The following B3GAT2 variants were observed in gnomAD, a reference collection of about 807,000 sequenced individuals.
B3GAT2 encodes galactosylgalactosylxylosylprotein 3-beta-glucuronosyltransferase 2.
In B3GAT2, 26 loss-of-function variants were observed where a neutral mutation model predicts 27.8. The observed-to-expected ratio is 0.93, with a 90% confidence interval of 0.68 to 1.30. B3GAT2 has a LOEUF of 1.30. Among genes scored for constraint, B3GAT2 ranks in the 50% most tolerant of loss-of-function variants. B3GAT2 has a pLI of 0.00. For synonymous variants in B3GAT2, 218 were observed against 195.1 expected (o/e 1.12, Z -0.98); for missense variants, 458 against 459.0 (o/e 1.00, Z 0.02).
chr6:70,924,324 T>C (rs1582383627), intron 1 of B3GAT2, among the ~76,000 whole-genome samples: 2 of 152,258 alleles, frequency 1.3e-5, no homozygotes, highest in East Asian at 3.9e-4. Flanking sequence ...TATTGCTAAA[T>C]GTCAAAACTA....
rs72918889 is a variant in B3GAT2, at chr6:70,905,774, C to T, written c.592-11502G>A. Reference sequence around the variant, plus strand: ...TTCATGTAATAGGCAAACTCAGATACAAAGGAGCTACTCTACATCTCAAAA... The same window carrying T: ...TTCATGTAATAGGCAAACTCAGATATAAAGGAGCTACTCTACATCTCAAAA... On this transcript the variant is annotated intron_variant, in intron 1 of 3. Coordinates refer to ENST00000230053, the MANE Select transcript of B3GAT2 (RefSeq NM_080742.3). Among the ~76,000 whole-genome samples, 213 of 152,198 alleles carry T rather than the reference C, an allele frequency of 1.4e-3. 1 individual carries two copies. Among genetic ancestry groups the T allele is most frequent in the Non-Finnish European group, 2.3e-3 (157 of 68,012 alleles).
chr6:70,905,196 T>C (rs991365791), intron 1 of B3GAT2, among the ~76,000 whole-genome samples: 3 of 152,160 alleles, frequency 2.0e-5, no homozygotes, highest in Admixed American at 2.0e-4. Context: ...GCTAGGAGTA[T>C]AATTATTGTG....
Position 70,895,495 on chromosome 6 carries a change from ATTTTTT to A in B3GAT2, c.592-1229_592-1224del, listed in dbSNP as rs59066944. Among the ~76,000 whole-genome samples, 198 of 76,620 alleles carry A rather than the reference ATTTTTT, an allele frequency of 2.6e-3. 1 individual carries two copies. Among genetic ancestry groups the A allele is most frequent in the African/African-American group, 0.012 (195 of 16,604 alleles). 50.3% of individuals were successfully genotyped at this position (76,620 alleles called of 152,430 possible). On this transcript the variant is annotated intron_variant, in intron 1 of 3. Coordinates refer to ENST00000230053, the MANE Select transcript of B3GAT2 (RefSeq NM_080742.3). ...TATCCTACCTTGTTCCAAAAAGGGGATTTTTTTTTTTTTTTTTTTTTTTTTTTGGAG... is the reference window on the plus strand; with the variant it reads ...TATCCTACCTTGTTCCAAAAAGGGGATTTTTTTTTTTTTTTTTTTTTGGAG...
At position 70,956,826 on chromosome 6, in the gene B3GAT2, C is replaced by G. The variant is rs1392896842; in HGVS notation, c.-397G>C. ...ACCCGGTGCGCCTCGCCGCTCCAGT[C>G]CGGCGGTGCTGCGGGCACAAGGGCT... On this transcript the variant is annotated 5_prime_UTR_variant, in exon 1 of 4. Coordinates refer to ENST00000230053, the MANE Select transcript of B3GAT2 (RefSeq NM_080742.3). 2 of 1,067,586 alleles carry G rather than the reference C, an allele frequency of 1.9e-6. No individual in the cohort carries two copies. Among genetic ancestry groups the G allele is most frequent in the Non-Finnish European group, 2.3e-6 (2 of 881,908 alleles). The allele number at this position is 1,067,586 out of a possible 1,614,324, so 66.1% of individuals were successfully genotyped here.
At chr6:70,923,164 T>A (rs181863899) in intron 1 of B3GAT2, among the ~76,000 whole-genome samples, 4 of 152,320 alleles carry the variant, frequency 2.6e-5, no homozygotes, top group Admixed American at 2.0e-4. Context: ...AAACTTGGTT[T>A]AGACATTGGG....
intron 1 of B3GAT2, among the ~76,000 whole-genome samples, chr6:70,911,327 A>G (rs1037187610): frequency 6.6e-6 from 1 of 152,144 alleles, no homozygotes; most frequent in Non-Finnish European, 1.5e-5. Flanking sequence ...TTGATTTTAT[A>G]TATGGTGATA....
rs376277834 is a variant in B3GAT2 at position 70,912,040 on chromosome 6, T to G, written c.592-17768A>C. On this transcript the variant is annotated intron_variant, in intron 1 of 3. Coordinates refer to ENST00000230053, the MANE Select transcript of B3GAT2 (RefSeq NM_080742.3). ...GAAGTTGTTTGTCAGATCTAGGAGC[T>G]TTTGGGCAGACACTATGGAATTTTC... 8.1e-4 allele frequency among the ~76,000 whole-genome samples: 123 copies of G among 152,276 alleles called. 1 individual carries two copies. The South Asian group carries it at 0.025, about 31-fold the overall frequency.
intron 1 of B3GAT2, among the ~76,000 whole-genome samples, chr6:70,934,186 C>A (rs1773103771): frequency 6.6e-6 from 1 of 152,182 alleles, no homozygotes; most frequent in Admixed American, 6.5e-5. Flanking sequence ...ACTGGGAGTG[C>A]ATGATACCTG....
chr6:70,947,985 G>A (rs1222761608), intron 1 of B3GAT2, among the ~76,000 whole-genome samples: 2 of 152,024 alleles, frequency 1.3e-5, no homozygotes, highest in Non-Finnish European at 1.5e-5. Context: ...AAAACCACAT[G>A]ATTATCTTAA....
At chr6:70,866,389 A>G (rs1771851643) in intron 2 of B3GAT2, among the ~76,000 whole-genome samples, 1 of 152,194 alleles carries the variant, frequency 6.6e-6, no homozygotes, top group Non-Finnish European at 1.5e-5. Flanking sequence ...TCAAGAATAC[A>G]TATGTATTTA....
intron 1 of B3GAT2, among the ~76,000 whole-genome samples, chr6:70,909,142 T>A (rs543530851): frequency 9.0e-4 from 137 of 151,830 alleles, no homozygotes; most frequent in Middle Eastern, 6.8e-3. Flanking sequence ...ATTCACACAC[T>A]CTCTCTCTCT....
rs1771494807 is a variant in B3GAT2 at position 70,857,778 on chromosome 6, T to C, written c.*3885A>G. ...CCAGCTCTCAGGGTTTAGGTGTGGGTTGGTCTGAGTAGTAGGAGCAGCCAA... is the reference window on the plus strand; with the variant it reads ...CCAGCTCTCAGGGTTTAGGTGTGGGCTGGTCTGAGTAGTAGGAGCAGCCAA... On this transcript the variant is annotated 3_prime_UTR_variant, in exon 4 of 4. Transcript: ENST00000230053. 1 of 740,148 alleles carries C rather than the reference T, an allele frequency of 1.4e-6. No individual in the cohort carries two copies. Among genetic ancestry groups the C allele is most frequent in the Non-Finnish European group, 2.2e-6 (1 of 459,752 alleles). The allele number at this position is 740,148 out of a possible 1,614,324, so 45.8% of individuals were successfully genotyped here. A position where few individuals can be genotyped will look rare whatever the true frequency, so the allele number is the denominator to read the frequency against.
At chr6:70,872,609 A>C (rs979464750) in intron 2 of B3GAT2, among the ~76,000 whole-genome samples, 2 of 150,746 alleles carry the variant, frequency 1.3e-5, no homozygotes, top group African/African-American at 4.9e-5. Flanking sequence ...TGTCTTGTAG[A>C]CAGCATATAG....
chr6:70,929,103 C>T (rs550854183), intron 1 of B3GAT2, among the ~76,000 whole-genome samples: 80 of 151,878 alleles, frequency 5.3e-4, no homozygotes, highest in African/African-American at 1.7e-3. Flanking sequence ...AGCAAACTAT[C>T]GCAAGGACAA....
In B3GAT2 at chr6:70,956,710, C is replaced by T; in HGVS notation, c.-281G>A. The T allele has an allele frequency of 7.6e-7, 1 of 1,311,108 alleles. No individual in the cohort carries two copies. Among genetic ancestry groups the T allele is most frequent in the Non-Finnish European group, 9.7e-7 (1 of 1,028,544 alleles). The allele number at this position is 1,311,108 out of a possible 1,614,324, so 81.2% of individuals were successfully genotyped here. ...GGCGGGAAGCGGGACTCGGTCCAGC[C>T]GCGCGCCGCCGGTCCCGGAGTTGTG... On this transcript the variant is annotated 5_prime_UTR_variant, in exon 1 of 4. Transcript: ENST00000230053.
At chr6:70,882,831 T>G (rs1772120232) in intron 2 of B3GAT2, among the ~76,000 whole-genome samples, 1 of 152,206 alleles carries the variant, frequency 6.6e-6, no homozygotes, top group South Asian at 2.1e-4. Flanking sequence ...ACTCACATGC[T>G]GACACCCTGA....
At chr6:70,938,871 T>C in intron 1 of B3GAT2, among the ~76,000 whole-genome samples, 1 of 151,476 alleles carries the variant, frequency 6.6e-6, no homozygotes, top group East Asian at 1.9e-4. Flanking sequence ...ACCAAAAGCA[T>C]TGGCAACAAA....
intron 1 of B3GAT2, among the ~76,000 whole-genome samples, chr6:70,920,823 G>A (rs947248763): frequency 6.6e-6 from 1 of 152,194 alleles, no homozygotes; most frequent in African/African-American, 2.4e-5. Flanking sequence ...TGTAAGGCAT[G>A]TCTGGTGGTA....
chr6:70,905,436 T>C (rs1772584983), intron 1 of B3GAT2, among the ~76,000 whole-genome samples: 1 of 152,230 alleles, frequency 6.6e-6, no homozygotes, highest in African/African-American at 2.4e-5. Flanking sequence ...TTTATCTGGA[T>C]ATCAAAAGGA....
Sources: allele counts gnomAD v4.1 joint callset (sites outside exome capture counted in the v4.1 genomes callset), GRCh38; gene constraint gnomAD v4.1.1; transcripts MANE v1.5; gene names NCBI Gene and HGNC (gene_info 2026-07-23, HGNC 2026-07-21).